The following CACNA1B variants were observed in gnomAD, a reference collection of about 807,000 sequenced individuals.
CACNA1B encodes the protein voltage-dependent N-type calcium channel subunit alpha-1B.
Under a neutral mutation model 247.2 loss-of-function variants are expected in CACNA1B, and 70 were observed. That is an observed-to-expected ratio of 0.28 (90% CI 0.23 to 0.35). The LOEUF is 0.35. Ranked by LOEUF, CACNA1B falls within the 10% of genes least tolerant of loss-of-function variation. The pLI, the probability that CACNA1B is intolerant of heterozygous loss-of-function variation, is 1.00. For synonymous variants in CACNA1B, 1,231 were observed against 1,294.4 expected, an observed-to-expected ratio of 0.95 and a Z score of 1.05; for missense variants, 2,367 against 3,197.4, an observed-to-expected ratio of 0.74 and a Z score of 6.26.
At chr9:138,112,273 T>C (rs1360376339) in intron 39 of CACNA1B, 125 bp from the exon 40 acceptor site, 11 of 686,052 alleles carry the variant, frequency 1.6e-5, no homozygotes, top group Middle Eastern at 2.9e-4. Context: ...TCCAGCACCG[T>C]CTGTACCCCA....
chr9:138,117,812 C>A, intron 42 of CACNA1B, 134 bp from the exon 43 acceptor site: 1 of 638,158 alleles, frequency 1.6e-6, no homozygotes, highest in Non-Finnish European at 2.6e-6. Flanking sequence ...CAATTCAGTC[C>A]AGAACAGGGT....
chr9:137,898,425 T>C (rs1045875617), intron 3 of CACNA1B, among the ~76,000 whole-genome samples: 3 of 152,164 alleles, frequency 2.0e-5, no homozygotes, highest in Non-Finnish European at 2.9e-5. Flanking sequence ...TCATTCTCCT[T>C]TTTTTCTGGA....
At chr9:137,900,644 T>C (rs758188112) in intron 3 of CACNA1B, among the ~76,000 whole-genome samples, 2 of 151,150 alleles carry the variant, frequency 1.3e-5, no homozygotes, top group Non-Finnish European at 3.0e-5. Flanking sequence ...TGTGTCTGTG[T>C]GTCTGTGCTG....
chr9:138,062,528 C>T (rs1395761352), intron 31 of CACNA1B, among the ~76,000 whole-genome samples: 2 of 152,182 alleles, frequency 1.3e-5, no homozygotes, highest in African/African-American at 4.8e-5. Context: ...GGTCTGACAG[C>T]ACATCACTAT....
chr9:137,892,508 A>T, intron 3 of CACNA1B: 1 of 376,906 alleles, frequency 2.7e-6, no homozygotes, highest in Non-Finnish European at 5.3e-6. Flanking sequence ...CTTTCCTCTG[A>T]CTGTGGGTCC....
intron 10 of CACNA1B, among the ~76,000 whole-genome samples, chr9:137,958,150 TGG>T (rs1957971592): frequency 6.6e-6 from 1 of 152,150 alleles, no homozygotes; most frequent in African/African-American, 2.4e-5. Flanking sequence ...AGTCTGTGAG[TGG>T]ACCAGATTTA....
rs1339032933 is a variant in CACNA1B at position 137,919,288 on chromosome 9, C to A, written c.966+1857C>A. On this transcript the variant is annotated intron_variant, in intron 6 of 46. Transcript: ENST00000371372. The surrounding 1 kb of genome is among the most constrained non-coding windows in gnomAD (Gnocchi z 4.6). ...GGCATTCGACACGTAAGGGCATGGA[C>A]AGTGGCGAGTGCCGTGAAGAAAACA... 6.6e-6 allele frequency among the ~76,000 whole-genome samples: 1 copy of A among 152,238 alleles called. No individual in the cohort carries two copies. Among genetic ancestry groups the A allele is most frequent in the East Asian group, 1.9e-4 (1 of 5,194 alleles).
At chr9:137,915,617 T>C (rs1957401140) in intron 5 of CACNA1B, among the ~76,000 whole-genome samples, 1 of 151,924 alleles carries the variant, frequency 6.6e-6, no homozygotes. Flanking sequence ...AGATCGTTCG[T>C]GATTTTAAAA....
chr9:138,044,641 A>G (rs1959168857), intron 21 of CACNA1B, among the ~76,000 whole-genome samples: 1 of 152,120 alleles, frequency 6.6e-6, no homozygotes, highest in Admixed American at 6.5e-5. Flanking sequence ...GCAGAGGGAG[A>G]GGCAGACAGG....
chr9:137,988,439 A>G (rs1346645114), intron 15 of CACNA1B, among the ~76,000 whole-genome samples: 2 of 152,132 alleles, frequency 1.3e-5, no homozygotes, highest in East Asian at 3.9e-4. Context: ...ACGCTTTGCC[A>G]TGTGTGTTGC....
chr9:137,984,644 G>A (rs911800844), intron 13 of CACNA1B, among the ~76,000 whole-genome samples: 1 of 152,142 alleles, frequency 6.6e-6, no homozygotes, highest in African/African-American at 2.4e-5. Context: ...TACCTCCCCT[G>A]CAGCTCCACC....
intron 3 of CACNA1B, among the ~76,000 whole-genome samples, chr9:137,886,691 G>T (rs1384752273): frequency 6.6e-6 from 1 of 151,460 alleles, no homozygotes; most frequent in Non-Finnish European, 1.5e-5. Context: ...CGGGTGGACG[G>T]ATGACCAGAG....
rs1342770750 is a variant in CACNA1B at position 137,919,555 on chromosome 9, A to G, written c.966+2124A>G. 1.3e-5 allele frequency among the ~76,000 whole-genome samples: 2 copies of G among 152,236 alleles called. No homozygotes were observed. Among genetic ancestry groups the G allele is most frequent in the Non-Finnish European group, 2.9e-5 (2 of 68,040 alleles). ...CAGGGTCGGTCACTGGAGATTAGAC[A>G]GGAGTTTTGAAGAGGATCCTTTGGA... On this transcript the variant is annotated intron_variant, in intron 6 of 46. Coordinates refer to ENST00000371372, the MANE Select transcript of CACNA1B (RefSeq NM_000718.4). The surrounding 1 kb of genome is among the most constrained non-coding windows in gnomAD (Gnocchi z 4.6).
intron 38 of CACNA1B, among the ~76,000 whole-genome samples, chr9:138,104,940 T>C (rs1002878086): frequency 6.6e-6 from 1 of 152,242 alleles, no homozygotes; most frequent in Admixed American, 6.5e-5. Context: ...CCAGCTGTTC[T>C]GTCCCTGAAA....
chr9:138,035,184 C>T (rs376317464), intron 20 of CACNA1B, among the ~76,000 whole-genome samples: 1 of 152,250 alleles, frequency 6.6e-6, no homozygotes, highest in Non-Finnish European at 1.5e-5. Flanking sequence ...GCTGGCCGGG[C>T]ACAGTGGCTC....
At chr9:138,078,846 T>TTGA (rs1054796912) in intron 36 of CACNA1B, among the ~76,000 whole-genome samples, 2 of 151,942 alleles carry the variant, frequency 1.3e-5, no homozygotes, top group African/African-American at 4.8e-5. Flanking sequence ...GCTGGCACGA[T>TTGA]TGATGATGAG....
rs1378924889 is a variant in CACNA1B at position 138,059,281 on chromosome 9, T to C, written c.4584+92T>C. On this transcript the variant is annotated intron_variant, in intron 30 of 46. Transcript: ENST00000371372. The surrounding 1 kb of genome is among the most constrained non-coding windows in gnomAD (Gnocchi z 4.2). ...CCTTTGGGGGCTCACAATTTGGAGC[T>C]GGGAATTCTCCGAGTACCCAGAGTA... is the stretch of plus-strand genomic sequence containing the variant. 2 of 740,726 alleles carry C rather than the reference T, an allele frequency of 2.7e-6. No individual in the cohort carries two copies. The highest frequency in any genetic ancestry group is 3.5e-5 in the African/African-American group (2 of 57,742). 45.9% of individuals were successfully genotyped at this position (740,726 alleles called of 1,614,324 possible).
At chr9:138,029,356 T>G (rs1448160586) in intron 20 of CACNA1B, among the ~76,000 whole-genome samples, 4 of 152,256 alleles carry the variant, frequency 2.6e-5, no homozygotes, top group Non-Finnish European at 5.9e-5. Context: ...TGTTGATGTC[T>G]GGTCTCTTTT....
intron 20 of CACNA1B, among the ~76,000 whole-genome samples, chr9:138,042,476 T>C (rs936036573): frequency 6.6e-6 from 1 of 152,190 alleles, no homozygotes; most frequent in Non-Finnish European, 1.5e-5. Flanking sequence ...AAAAAAAAAC[T>C]TGCAACAAAA....
Sources: allele counts gnomAD v4.1 joint callset (sites outside exome capture counted in the v4.1 genomes callset), GRCh38; gene constraint gnomAD v4.1.1; non-coding constraint Gnocchi (gnomAD v3.1); transcripts MANE v1.5; gene names NCBI Gene and HGNC (gene_info 2026-07-23, HGNC 2026-07-21).